GUF1: variants seen among roughly 807,000 people sequenced by gnomAD.
The protein encoded by GUF1 is translation factor GUF1, mitochondrial.
In GUF1, 78 loss-of-function variants were observed where a neutral mutation model predicts 82.4. The observed-to-expected ratio is 0.95, with a 90% CI of 0.79 to 1.14. The LOEUF is 1.14. GUF1 is among the 50% of genes most tolerant of loss of function. The pLI, the probability that GUF1 is intolerant of heterozygous loss-of-function variation, is 0.00. For synonymous variants in GUF1, 279 were observed against 282.3 expected, an observed-to-expected ratio of 0.99 and a Z score of 0.12; for missense variants, 814 against 798.2, an observed-to-expected ratio of 1.02 and a Z score of -0.24.
chr4:44,688,644 A>G (rs994020977), intron 9 of GUF1, among the ~76,000 whole-genome samples: 1 of 151,928 alleles, frequency 6.6e-6, no homozygotes, highest in East Asian at 1.9e-4. Context: ...GAAGGTCATC[A>G]GGTTACTCTG....
At chr4:44,688,757 TAG>T (rs926201881) in intron 9 of GUF1, among the ~76,000 whole-genome samples, 8 of 151,912 alleles carry the variant, frequency 5.3e-5, no homozygotes, top group African/African-American at 1.9e-4. Context: ...ATGTGGATTT[TAG>T]AGGACTTCAG....
Position 44,690,822 on chromosome 4 carries a change from C to T in GUF1, c.1441C>T (p.Pro481Ser), listed in dbSNP as rs772094435. 1.6e-5 allele frequency: 26 copies of T among 1,601,794 alleles called. No homozygotes were observed. In the South Asian group the frequency reaches 2.9e-4, roughly 18 times the overall value. ...EPVVLGTIIT[P>S]DEYTGKIMML... is the part of the protein sequence containing the mutation. ...AGTTGTTTTGGGCACTATTATCACA[C>T]CAGATGAATACACTGGAAAAATAAT... The change falls in exon 12 of 17, where the codon CCA becomes TCA. Residue 481 changes from proline to serine, a missense_variant. Transcript: ENST00000281543.
Position 44,683,260 on chromosome 4 carries a change from AAAG to A in GUF1, c.612_614del (p.Arg205del). ...ATAGATCTGAAGAATGCTGATCCTG[AAAG>A]GGTTGAAAACCAAATTGAGAAAGTG... On this transcript the variant is annotated inframe_deletion, in exon 6 of 17. Transcript: ENST00000281543. The A allele has an allele frequency of 6.3e-7, 1 of 1,586,484 alleles. No homozygotes were observed. The highest frequency in any genetic ancestry group is 1.2e-5 in the South Asian group (1 of 86,226).
chr4:44,687,949 G>T, intron 8 of GUF1, 58 bp from the exon 9 acceptor site: 1 of 1,480,240 alleles, frequency 6.8e-7, no homozygotes, highest in South Asian at 1.2e-5. Context: ...AACTAATTGT[G>T]AGTTATGTGC....
At chr4:44,688,210 G>C in intron 9 of GUF1, 64 bp downstream of exon 9, 10 of 1,492,404 alleles carry the variant, frequency 6.7e-6, no homozygotes, top group Non-Finnish European at 9.1e-6. Context: ...GTCTGTCTCA[G>C]TGGTTAAGGA....
rs780251290 is a variant in GUF1 at position 44,680,548 on chromosome 4, T to C, written c.273T>C (p.Leu91=). 2.5e-6 allele frequency: 4 copies of C among 1,592,286 alleles called. No individual in the cohort carries two copies. Among genetic ancestry groups the C allele is most frequent in the Non-Finnish European group, 3.4e-6 (4 of 1,164,670 alleles). Residue 91 remains leucine (L), a synonymous_variant, in exon 2 of 17, where the codon CTT becomes CTC. Coordinates refer to ENST00000281543, the MANE Select transcript of GUF1 (RefSeq NM_021927.3). ...CTTTAGCTGACAGGCTCCTAGAACT[T>C]ACAGGTATTTCATTTATGTTACATA... is the stretch of plus-strand genomic sequence containing the variant. ...KSTLADRLLE[L]TGTIDKTKNN...
chr4:44,691,629 G>C (rs1032828796), intron 12 of GUF1, 37 bp from the exon 13 acceptor site: 6 of 1,533,128 alleles, frequency 3.9e-6, no homozygotes, highest in Non-Finnish European at 5.3e-6. Flanking sequence ...ATTTGAGTAG[G>C]TTATCATTAA....
At chr4:44,692,436 TA>T (rs1715508853) in intron 13 of GUF1, among the ~76,000 whole-genome samples, 1 of 151,846 alleles carries the variant, frequency 6.6e-6, no homozygotes, top group African/African-American at 2.4e-5. Context: ...TTGGGGCATA[TA>T]ACTCTAGATA....
intron 13 of GUF1, chr4:44,694,165 G>T (rs933273711): frequency 2.6e-6 from 1 of 391,306 alleles, no homozygotes; most frequent in Non-Finnish European, 4.5e-6. Flanking sequence ...TCTTTGTCAG[G>T]TTCACCAGCT....
Position 44,686,548 on chromosome 4 carries a change from T to A in GUF1, c.773T>A (p.Val258Glu), listed in dbSNP as rs999909633. The stretch of plus-strand genomic sequence containing the variant: ...CGCAAAAATCCTCTGAGAGCTTTGG[T>A]ATTTGACTCCACCTTTGACCAGTAT... Reference protein sequence around the residue: ...VHRKNPLRALVFDSTFDQYRG... With the variant: ...VHRKNPLRALEFDSTFDQYRG... Residue 258 changes from valine to glutamate, a missense_variant, in exon 8 of 17, where the codon GTA (valine) becomes GAA (glutamate). By Grantham distance (121) the Val-to-Glu change is moderately radical. Coordinates refer to ENST00000281543, the MANE Select transcript of GUF1 (RefSeq NM_021927.3). The A allele has an allele frequency of 3.7e-6, 6 of 1,612,136 alleles. No individual in the cohort carries two copies. Among genetic ancestry groups the A allele is most frequent in the Non-Finnish European group, 5.1e-6 (6 of 1,178,736 alleles).
In GUF1 at chr4:44,694,561, TG is replaced by T. The variant is rs752574312; in HGVS notation, c.1715+49del. The T allele has an allele frequency of 3.1e-5, 35 of 1,145,026 alleles. No homozygotes were observed. The South Asian group carries it at 4.7e-4, about 15-fold the overall frequency. 70.9% of individuals were successfully genotyped at this position (1,145,026 alleles called of 1,614,324 possible). A position where few individuals can be genotyped will look rare whatever the true frequency, so the allele number is the denominator to read the frequency against. On this transcript the variant is annotated intron_variant, in intron 14 of 16. Transcript: ENST00000281543. ...ATGGAATGTGAAAATACTTTTGATA[TG>T]TTTTTCATTTATTTTTGTTTGAGCA...
chr4:44,688,823 T>TACC (rs1373814911), intron 9 of GUF1, among the ~76,000 whole-genome samples: 1 of 151,904 alleles, frequency 6.6e-6, no homozygotes, highest in Non-Finnish European at 1.5e-5. Flanking sequence ...TGTCAGTAAA[T>TACC]ACCAAAAAGC....
chr4:44,700,894 A>G lies in GUF1; in HGVS notation c.*2213A>G, dbSNP rs2109681354. On this transcript the variant is annotated 3_prime_UTR_variant, in exon 17 of 17. Coordinates refer to ENST00000281543, the MANE Select transcript of GUF1 (RefSeq NM_021927.3). ...AGACCATGACAGTAGTATTTTGAAA[A>G]TGACAGTATTTGAAATTAAAAAATT... 1 of 152,308 alleles carries G rather than the reference A, an allele frequency of 6.6e-6. No individual in the cohort carries two copies. Among genetic ancestry groups the G allele is most frequent in the South Asian group, 2.1e-4 (1 of 4,828 alleles). The allele number at this position is 152,308 out of a possible 1,614,324, so 9.4% of individuals were successfully genotyped here. A position where few individuals can be genotyped will look rare whatever the true frequency, so the allele number is the denominator to read the frequency against.
At chr4:44,688,291 C>T (rs997870380) in intron 9 of GUF1, 145 bp downstream of exon 9, 1 of 803,870 alleles carries the variant, frequency 1.2e-6, no homozygotes, top group African/African-American at 1.8e-5. Flanking sequence ...TGCTGTTTAT[C>T]AGTTTATAAT....
intron 10 of GUF1, among the ~76,000 whole-genome samples, chr4:44,689,620 G>A (rs768313163): frequency 1.3e-5 from 2 of 151,554 alleles, no homozygotes; most frequent in South Asian, 2.1e-4. Context: ...TTCACGTTGC[G>A]GATTGACATT....
chr4:44,700,841 G>T lies in GUF1; in HGVS notation c.*2160G>T, dbSNP rs1716195870. ...TATGTATCTTCCCTCCCTCTTCCAG[G>T]TTCTGATAAAAACAGATGAAATCTG... On this transcript the variant is annotated 3_prime_UTR_variant, in exon 17 of 17. Transcript: ENST00000281543. 6.6e-6 allele frequency: 1 copy of T among 151,994 alleles called. No individual in the cohort carries two copies. Among genetic ancestry groups the T allele is most frequent in the Admixed American group, 6.6e-5 (1 of 15,242 alleles). 9.4% of individuals were successfully genotyped at this position (151,994 alleles called of 1,614,324 possible). A position where few individuals can be genotyped will look rare whatever the true frequency, so the allele number is the denominator to read the frequency against.
intron 1 of GUF1, 112 bp downstream of exon 1, chr4:44,678,899 C>G (rs1254423572): frequency 5.4e-6 from 6 of 1,117,212 alleles, no homozygotes; most frequent in African/African-American, 1.7e-5. Flanking sequence ...CTGCTTGCAA[C>G]TTGGTACAGG....
chr4:44,678,824 C>A (rs764880717), intron 1 of GUF1, 37 bp downstream of exon 1: 4 of 1,533,670 alleles, frequency 2.6e-6, no homozygotes, highest in Non-Finnish European at 3.5e-6. Context: ...GCCAAGTTTT[C>A]AAACGTTGGA....
chr4:44,691,555 C>G (rs908562588), intron 12 of GUF1, 111 bp from the exon 13 acceptor site: 61 of 754,842 alleles, frequency 8.1e-5, no homozygotes, highest in Non-Finnish European at 1.2e-4. Flanking sequence ...ATGTTTCTCT[C>G]TGGATTATAA....
Sources: allele counts gnomAD v4.1 joint callset (sites outside exome capture counted in the v4.1 genomes callset), GRCh38; gene constraint gnomAD v4.1.1; transcripts MANE v1.5; gene names NCBI Gene and HGNC (gene_info 2026-07-23, HGNC 2026-07-21).